The following SYT6 variants were observed in gnomAD, a reference collection of about 807,000 sequenced individuals.
The protein encoded by SYT6 is synaptotagmin 6.
In SYT6, 24 loss-of-function variants were observed where a neutral mutation model predicts 38.4. The ratio of observed to expected loss-of-function variants is 0.62; its 90% CI spans 0.45 to 0.88. The LOEUF is 0.88. Among genes scored for constraint, SYT6 ranks in the 40% least tolerant of loss-of-function variants. SYT6 has a pLI of 0.00. For synonymous variants in SYT6, 265 were observed against 241.9 expected (o/e 1.10, Z -0.89); for missense variants, 611 against 621.0 (o/e 0.98, Z 0.17).
Position 114,103,582 on chromosome 1 carries a change from C to T in SYT6, c.1192+19G>A. Reference sequence around the variant, plus strand: ...TAATGTCTGGGCTGCTGGCAGGCCACTTGGGTTAAGAGAGGTACCTGAATA... The same window carrying T: ...TAATGTCTGGGCTGCTGGCAGGCCATTTGGGTTAAGAGAGGTACCTGAATA... On this transcript the variant is annotated intron_variant, in intron 4 of 7. Coordinates refer to ENST00000610222, the MANE Select transcript of SYT6 (RefSeq NM_001253772.2). The T allele has an allele frequency of 6.2e-7, 1 of 1,613,644 alleles. No homozygotes were observed. The highest frequency in any genetic ancestry group is 8.5e-7 in the Non-Finnish European group (1 of 1,179,722).
At chr1:114,142,266 T>C (rs562925074) in intron 1 of SYT6, among the ~76,000 whole-genome samples, 9 of 152,310 alleles carry the variant, frequency 5.9e-5, no homozygotes, top group Non-Finnish European at 1.3e-4. Context: ...CAACATTAAC[T>C]GAAATTTAAA....
intron 3 of SYT6, among the ~76,000 whole-genome samples, chr1:114,126,511 C>T (rs763300861): frequency 5.9e-5 from 9 of 152,154 alleles, no homozygotes; most frequent in East Asian, 1.9e-4. Context: ...GCTTTCCTTG[C>T]GACCAAATAG....
intron 3 of SYT6, among the ~76,000 whole-genome samples, chr1:114,122,060 G>A (rs1571861419): frequency 6.6e-6 from 1 of 152,328 alleles, no homozygotes; most frequent in East Asian, 1.9e-4. Flanking sequence ...CTTGGGGCCT[G>A]GAACCAAGTC....
chr1:114,127,006 A>C (rs1677784862), intron 3 of SYT6, among the ~76,000 whole-genome samples: 1 of 152,224 alleles, frequency 6.6e-6, no homozygotes, highest in African/African-American at 2.4e-5. Context: ...GCAGAGAAGG[A>C]TCTTTTGTGA....
chr1:114,095,532 G>T (rs1557727837), intron 6 of SYT6, among the ~76,000 whole-genome samples: 1 of 152,218 alleles, frequency 6.6e-6, no homozygotes, highest in Non-Finnish European at 1.5e-5. Context: ...GGCAGTCACA[G>T]CACAAGATGG....
Position 114,111,803 on chromosome 1 carries a change from G to A in SYT6, c.1072-8082C>T, listed in dbSNP as rs1019625849. Among the ~76,000 whole-genome samples the A allele has an allele frequency of 2.7e-4, 20 of 74,546 alleles. 1 individual carries two copies. Among genetic ancestry groups the A allele is most frequent in the South Asian group, 1.4e-3 (4 of 2,762 alleles). The allele number at this position is 74,546 out of a possible 152,430, so 48.9% of individuals were successfully genotyped here. On this transcript the variant is annotated intron_variant, in intron 3 of 7. Transcript: ENST00000610222. ...GAGAGTGGAGACTGACGCTCTGCCC[G>A]CCCCACGTTCCCACAGCTGGCTCAG...
chr1:114,095,652 G>C (rs1197615395), intron 6 of SYT6, among the ~76,000 whole-genome samples: 1 of 143,226 alleles, frequency 7.0e-6, no homozygotes, highest in Non-Finnish European at 1.5e-5. Context: ...GAGTGGGGCA[G>C]TGAGTTTTCT....
At chr1:114,135,364 T>A (rs1678413488) in intron 3 of SYT6, among the ~76,000 whole-genome samples, 1 of 152,166 alleles carries the variant, frequency 6.6e-6, no homozygotes, top group Non-Finnish European at 1.5e-5. Context: ...TACCAGCTAC[T>A]GCATGGACTT....
intron 1 of SYT6, among the ~76,000 whole-genome samples, chr1:114,147,272 G>T (rs1276593914): frequency 6.6e-6 from 1 of 152,124 alleles, no homozygotes; most frequent in Non-Finnish European, 1.5e-5. Context: ...ACCATCACCA[G>T]CCAGCTGGTG....
intron 3 of SYT6, among the ~76,000 whole-genome samples, chr1:114,128,894 T>A (rs1677911829): frequency 6.6e-6 from 1 of 152,222 alleles, no homozygotes; most frequent in Admixed American, 6.5e-5. Context: ...GGGATCTCAA[T>A]TAGTTTCATG....
intron 3 of SYT6, among the ~76,000 whole-genome samples, chr1:114,115,239 A>T (rs1449634449): frequency 6.6e-6 from 1 of 152,194 alleles, no homozygotes; most frequent in Non-Finnish European, 1.5e-5. Context: ...AGGAACTGAC[A>T]ACCATTGCTT....
At chr1:114,138,611 A>G (rs1678656698) in intron 2 of SYT6, among the ~76,000 whole-genome samples, 1 of 152,240 alleles carries the variant, frequency 6.6e-6, no homozygotes, top group Admixed American at 6.5e-5. Context: ...TCTCTGTGCC[A>G]TAAAAACGAG....
intron 1 of SYT6, among the ~76,000 whole-genome samples, chr1:114,144,995 T>C (rs1470780554): frequency 3.3e-5 from 5 of 152,120 alleles, no homozygotes; most frequent in African/African-American, 1.2e-4. Context: ...AGCCTTTCCC[T>C]GGCCAAAGGA....
At chr1:114,138,377 T>G (rs1452255915) in intron 2 of SYT6, among the ~76,000 whole-genome samples, 1 of 152,240 alleles carries the variant, frequency 6.6e-6, no homozygotes, top group African/African-American at 2.4e-5. Context: ...TAGACATGAC[T>G]CTGGTTTCCT....
At chr1:114,121,759 T>C (rs1010085122) in intron 3 of SYT6, among the ~76,000 whole-genome samples, 9 of 152,228 alleles carry the variant, frequency 5.9e-5, no homozygotes, top group African/African-American at 1.9e-4. Flanking sequence ...ATGGAAATAC[T>C]GATATCTTCC....
At chr1:114,098,670 GTT>G (rs1442690390) in intron 5 of SYT6, among the ~76,000 whole-genome samples, 4 of 152,236 alleles carry the variant, frequency 2.6e-5, no homozygotes, top group Non-Finnish European at 5.9e-5. Context: ...TCCTTAGTAT[GTT>G]GACCGAATTG....
At chr1:114,103,793 G>C in intron 3 of SYT6, 72 bp from the exon 4 acceptor site, 1 of 1,547,516 alleles carries the variant, frequency 6.5e-7, no homozygotes, top group Non-Finnish European at 8.7e-7. Context: ...TGCAGTATCT[G>C]CTGGGGCGCT....
chr1:114,108,808 AG>A (rs1409964099), intron 3 of SYT6, among the ~76,000 whole-genome samples: 9 of 152,224 alleles, frequency 5.9e-5, no homozygotes, highest in Non-Finnish European at 1.3e-4. Context: ...TTGGGAATGC[AG>A]GCTAAGCAAA....
At chr1:114,151,963 T>C in intron 1 of SYT6, among the ~76,000 whole-genome samples, 1 of 152,112 alleles carries the variant, frequency 6.6e-6, no homozygotes, top group Admixed American at 6.5e-5. Context: ...GCTGCAGTGA[T>C]CAAACCATTG....
Sources: allele counts gnomAD v4.1 joint callset (sites outside exome capture counted in the v4.1 genomes callset), GRCh38; gene constraint gnomAD v4.1.1; transcripts MANE v1.5; gene names NCBI Gene and HGNC (gene_info 2026-07-23, HGNC 2026-07-21).